The following ACOXL variants were observed in gnomAD, a reference collection of about 807,000 sequenced individuals.
ACOXL encodes acyl-coenzyme A oxidase-like protein.
ACOXL carries 70 observed loss-of-function variants against 71.9 expected under a neutral mutation model. The ratio of observed to expected loss-of-function variants is 0.97; its 90% CI spans 0.80 to 1.19. The LOEUF is 1.19. Ranked by LOEUF, ACOXL falls within the 50% of genes most tolerant of loss-of-function variation. ACOXL has a pLI of 0.00. For missense variants in ACOXL, 703 were observed against 736.3 expected, an observed-to-expected ratio of 0.95 and a Z score of 0.52; for synonymous variants, 253 against 281.6, an observed-to-expected ratio of 0.90 and a Z score of 1.02.
chr2:110,962,704 G>A (rs948853781), intron 12 of ACOXL, among the ~76,000 whole-genome samples: 1 of 152,246 alleles, frequency 6.6e-6, no homozygotes, highest in African/African-American at 2.4e-5. Flanking sequence ...GAGTATGACT[G>A]CCCCTGGGCC....
chr2:110,916,307 C>T (rs2059858994), intron 11 of ACOXL, among the ~76,000 whole-genome samples: 2 of 151,428 alleles, frequency 1.3e-5, no homozygotes, highest in Admixed American at 1.3e-4. Context: ...TTTCAAATAA[C>T]CTGCTGGGTA....
At chr2:111,023,069 C>T (rs2064846159) in intron 14 of ACOXL, among the ~76,000 whole-genome samples, 1 of 152,248 alleles carries the variant, frequency 6.6e-6, no homozygotes, top group African/African-American at 2.4e-5. Context: ...AACTCCATAT[C>T]TGATGGGCGT....
At chr2:110,940,114 A>T (rs776764879) in intron 12 of ACOXL, among the ~76,000 whole-genome samples, 3 of 152,226 alleles carry the variant, frequency 2.0e-5, no homozygotes, top group Non-Finnish European at 4.4e-5. Context: ...GAATTTTATG[A>T]AACAGTACCG....
intron 14 of ACOXL, among the ~76,000 whole-genome samples, chr2:111,030,351 G>T (rs780972885): frequency 4.6e-5 from 7 of 152,160 alleles, no homozygotes; most frequent in Non-Finnish European, 1.0e-4. Context: ...TTGTAATTGT[G>T]ACACCAGTGC....
intron 16 of ACOXL, among the ~76,000 whole-genome samples, chr2:111,078,676 A>G (rs934927115): frequency 3.9e-5 from 6 of 152,236 alleles, no homozygotes; most frequent in African/African-American, 1.4e-4. Context: ...TTTGCCAGAT[A>G]ATTCTAACAT....
At chr2:110,815,671 C>T (rs1687829165) in intron 9 of ACOXL, among the ~76,000 whole-genome samples, 1 of 152,176 alleles carries the variant, frequency 6.6e-6, no homozygotes, top group Non-Finnish European at 1.5e-5. Flanking sequence ...ATCGTAGGGA[C>T]TTCCCTCTGG....
intron 9 of ACOXL, among the ~76,000 whole-genome samples, chr2:110,812,082 A>G (rs1687401659): frequency 6.6e-6 from 1 of 152,230 alleles, no homozygotes; most frequent in Non-Finnish European, 1.5e-5. Flanking sequence ...AAGTGTCAAC[A>G]TAAGAAGAAG....
chr2:110,953,208 A>C (rs201523093), intron 12 of ACOXL, among the ~76,000 whole-genome samples: 1 of 152,154 alleles, frequency 6.6e-6, no homozygotes, highest in Admixed American at 6.5e-5. Flanking sequence ...ACAGCTCCTG[A>C]ATTGGCGGAG....
intron 12 of ACOXL, among the ~76,000 whole-genome samples, chr2:110,938,578 C>G (rs1294154851): frequency 6.6e-6 from 1 of 152,194 alleles, no homozygotes; most frequent in African/African-American, 2.4e-5. Context: ...TCACTACAGC[C>G]TAAGTCTGAC....
intron 9 of ACOXL, among the ~76,000 whole-genome samples, chr2:110,806,244 T>G (rs1250215514): frequency 2.0e-5 from 3 of 152,200 alleles, no homozygotes; most frequent in African/African-American, 4.8e-5. Flanking sequence ...TTATGATGCT[T>G]CCTGTGAGGG....
At chr2:110,945,361 ACTT>A (rs2061057398) in intron 12 of ACOXL, among the ~76,000 whole-genome samples, 1 of 145,206 alleles carries the variant, frequency 6.9e-6, no homozygotes, top group East Asian at 2.0e-4. Context: ...TCATTTGTCA[ACTT>A]TTTTTTTTTT....
At chr2:111,106,867 A>G (rs1382838794) in intron 17 of ACOXL, among the ~76,000 whole-genome samples, 6 of 152,316 alleles carry the variant, frequency 3.9e-5, no homozygotes, top group Non-Finnish European at 8.8e-5. Context: ...TGGGGAGGGC[A>G]GGAAAGCCAC....
chr2:110,740,025 T>C (rs1393692273), intron 1 of ACOXL, among the ~76,000 whole-genome samples: 1 of 152,240 alleles, frequency 6.6e-6, no homozygotes, highest in African/African-American at 2.4e-5. Context: ...TGTCTCATTC[T>C]TTTAAAAGCT....
chr2:110,977,121 T>C (rs1228944888), intron 12 of ACOXL, among the ~76,000 whole-genome samples: 1 of 152,182 alleles, frequency 6.6e-6, no homozygotes, highest in Non-Finnish European at 1.5e-5. Context: ...GCATGGTGGC[T>C]CACTCCTGTA....
intron 9 of ACOXL, among the ~76,000 whole-genome samples, chr2:110,836,214 T>G (rs1035083778): frequency 2.0e-5 from 3 of 151,866 alleles, no homozygotes; most frequent in Non-Finnish European, 4.4e-5. Context: ...CTGTTGGGGG[T>G]AGTGTGCTGG....
At chr2:110,978,051 C>T (rs1004415117) in intron 12 of ACOXL, among the ~76,000 whole-genome samples, 19 of 152,184 alleles carry the variant, frequency 1.2e-4, no homozygotes, top group African/African-American at 3.4e-4. Context: ...TAGTGGAGGC[C>T]GAAGACTGGT....
intron 12 of ACOXL, among the ~76,000 whole-genome samples, chr2:110,985,486 T>A (rs1467079596): frequency 6.6e-6 from 1 of 152,140 alleles, no homozygotes; most frequent in Non-Finnish European, 1.5e-5. Context: ...ATAAATATAT[T>A]TATTTAATAA....
At chr2:110,909,081 G>A (rs1406618332) in intron 11 of ACOXL, among the ~76,000 whole-genome samples, 176 bp downstream of exon 11, 1 of 152,208 alleles carries the variant, frequency 6.6e-6, no homozygotes, top group Non-Finnish European at 1.5e-5. Flanking sequence ...CACTGCAAAT[G>A]TTTTTAACCT....
At chr2:110,909,216 A>C (rs2059566128) in intron 11 of ACOXL, among the ~76,000 whole-genome samples, 1 of 152,220 alleles carries the variant, frequency 6.6e-6, no homozygotes, top group African/African-American at 2.4e-5. Flanking sequence ...CAAAAGTAGC[A>C]GACTTGAACA....
Sources: gnomAD v4.1 joint callset for allele counts (sites outside exome capture counted in the v4.1 genomes callset) on GRCh38, gnomAD v4.1.1 for gene constraint, MANE v1.5 for transcripts, NCBI Gene and HGNC (gene_info 2026-07-23, HGNC 2026-07-21) for gene names.